MAPRE2: variants seen among roughly 807,000 people sequenced by gnomAD.
MAPRE2 encodes the protein microtubule-associated protein RP/EB family member 2.
A neutral mutation model predicts 43.2 loss-of-function variants in MAPRE2; 13 were observed. The ratio of observed to expected loss-of-function variants is 0.30; its 90% confidence interval spans 0.20 to 0.48. The LOEUF (loss-of-function observed/expected upper bound fraction) is 0.48, where lower values mean the gene tolerates loss of function less well. MAPRE2 is among the 20% of genes least tolerant of loss of function. The pLI is 0.99. For missense variants in MAPRE2, 161 were observed against 400.2 expected (o/e 0.40, Z 5.10); for synonymous variants, 135 against 148.8 (o/e 0.91, Z 0.68).
In MAPRE2 at chr18:35,121,846, A is replaced by G. The variant is rs896087397; in HGVS notation, c.611-5102A>G. The stretch of plus-strand genomic sequence containing the variant: ...ACCAGGATTGGATGCTGTCAGAGAC[A>G]TGTTTGGAGCAGTTTACGAGATTGG... On this transcript the variant is annotated intron_variant, in intron 4 of 6. Transcript: ENST00000300249. Among the ~76,000 whole-genome samples, 17 of 152,366 alleles carry G rather than the reference A, an allele frequency of 1.1e-4. 1 individual carries two copies. Among genetic ancestry groups the G allele is most frequent in the African/African-American group, 3.6e-4 (15 of 41,586 alleles).
At chr18:35,114,253 A>G (rs1035351589) in intron 4 of MAPRE2, among the ~76,000 whole-genome samples, 4 of 152,204 alleles carry the variant, frequency 2.6e-5, no homozygotes, top group African/African-American at 9.7e-5. Flanking sequence ...TTCACAACCA[A>G]ATTCAAATTA....
chr18:35,053,751 C>T (rs1906073250), intron 1 of MAPRE2, among the ~76,000 whole-genome samples: 2 of 151,900 alleles, frequency 1.3e-5, no homozygotes, highest in African/African-American at 2.4e-5. Context: ...CTAATGAACA[C>T]AAAGAAGAGA....
chr18:34,978,507 G>C (rs908558191), intron 1 of MAPRE2: 1 of 1,551,432 alleles, frequency 6.4e-7, no homozygotes, highest in African/African-American at 1.4e-5. Context: ...TGCTGAATAG[G>C]ACACTGTGGA....
chr18:34,985,338 A>AATATTATATATTTT lies in MAPRE2; in HGVS notation c.-70+8263_-70+8264insTATATATTTTATAT, dbSNP rs1568961659. 1.3e-3 allele frequency among the ~76,000 whole-genome samples: 34 copies of AATATTATATATTTT among 27,030 alleles called. 1 individual carries two copies. The highest frequency in any genetic ancestry group is 4.1e-3 in the African/African-American group (33 of 7,960). 17.7% of individuals were successfully genotyped at this position (27,030 alleles called of 152,430 possible). Reference sequence around the variant, plus strand: ...ATATTATATATATAATATAATATATAATATATTATATTATATATATAATAT... The same window carrying AATATTATATATTTT: ...ATATTATATATATAATATAATATATAATATTATATATTTTATATATTATATTATATATATAATAT... On this transcript the variant is annotated intron_variant, in intron 1 of 7. Coordinates refer to the MAPRE2 transcript ENST00000413393.
At chr18:34,998,733 G>A (rs530492450) in intron 1 of MAPRE2, among the ~76,000 whole-genome samples, 1 of 149,392 alleles carries the variant, frequency 6.7e-6, no homozygotes, top group Non-Finnish European at 1.5e-5. Flanking sequence ...AAAGTGCTGG[G>A]ATTACAGGCG....
At chr18:35,111,836 C>T (rs1233512233) in intron 4 of MAPRE2, among the ~76,000 whole-genome samples, 2 of 152,186 alleles carry the variant, frequency 1.3e-5, no homozygotes, top group African/African-American at 4.8e-5. Context: ...TCTATGATGG[C>T]ATTTGACTTA....
Position 35,102,074 on chromosome 18 carries a change from G to T in MAPRE2, c.525G>T (p.Gly175=). Residue 175 remains glycine (G), a synonymous_variant, in exon 4 of 7, where the codon GGG becomes GGT. Coordinates refer to ENST00000300249, the MANE Select transcript of MAPRE2 (RefSeq NM_014268.4). ...KEYDPVEARQ[G]QDAIPPPDPG... is the part of the protein sequence containing the mutation. ...ATGATCCTGTAGAGGCACGACAAGGGCAAGATGCAATTCCTCCTCCTGACC... is the reference window on the plus strand; with the variant it reads ...ATGATCCTGTAGAGGCACGACAAGGTCAAGATGCAATTCCTCCTCCTGACC... The T allele has an allele frequency of 6.2e-7, 1 of 1,613,004 alleles. No homozygotes were observed. Among genetic ancestry groups the T allele is most frequent in the Non-Finnish European group, 8.5e-7 (1 of 1,179,522 alleles).
intron 1 of MAPRE2, among the ~76,000 whole-genome samples, chr18:35,061,824 C>A (rs754745417): frequency 3.0e-4 from 46 of 152,192 alleles, no homozygotes; most frequent in Middle Eastern, 3.2e-3. Context: ...GATCTCCCTC[C>A]TCAAACAAAT....
chr18:35,126,275 C>A (rs1027299435), intron 4 of MAPRE2, among the ~76,000 whole-genome samples: 1 of 152,182 alleles, frequency 6.6e-6, no homozygotes, highest in African/African-American at 2.4e-5. Context: ...TAGTTGAGAG[C>A]CCCTTCAAGC....
At chr18:35,114,361 T>C (rs1909314542) in intron 4 of MAPRE2, among the ~76,000 whole-genome samples, 1 of 152,158 alleles carries the variant, frequency 6.6e-6, no homozygotes, top group South Asian at 2.1e-4. Context: ...TTTTTTATCG[T>C]GATTTTTCAA....
At chr18:34,982,119 G>A (rs2097016746) in intron 1 of MAPRE2, among the ~76,000 whole-genome samples, 1 of 151,894 alleles carries the variant, frequency 6.6e-6, no homozygotes, top group Non-Finnish European at 1.5e-5. Context: ...TCCTGACCTC[G>A]TAATCCGCCC....
chr18:35,109,243 T>C (rs935109903), intron 4 of MAPRE2, among the ~76,000 whole-genome samples: 5 of 152,236 alleles, frequency 3.3e-5, no homozygotes, highest in Admixed American at 2.0e-4. Flanking sequence ...TTGCTTGTTT[T>C]TGTCAGGTTT....
chr18:35,056,960 C>T (rs1006824825), intron 1 of MAPRE2, among the ~76,000 whole-genome samples: 20 of 152,160 alleles, frequency 1.3e-4, no homozygotes, highest in African/African-American at 4.6e-4. Flanking sequence ...TCCCTGCTTC[C>T]ACTGTCCTTC....
intron 4 of MAPRE2, among the ~76,000 whole-genome samples, chr18:35,114,796 T>C (rs149240877): frequency 3.6e-4 from 55 of 152,314 alleles, no homozygotes; most frequent in Non-Finnish European, 6.8e-4. Context: ...CTTATATAGC[T>C]GTTCCTGATA....
intron 4 of MAPRE2, 105 bp from the exon 5 acceptor site, chr18:35,126,843 C>G (rs995347252): frequency 2.2e-6 from 2 of 919,986 alleles, no homozygotes; most frequent in African/African-American, 3.3e-5. Context: ...CTGGAGGTAT[C>G]TCTTATATGT....
At chr18:35,037,457 G>A (rs1409870122), upstream of MAPRE2, among the ~76,000 whole-genome samples, 1 of 152,214 alleles carries the variant, frequency 6.6e-6, no homozygotes, top group East Asian at 1.9e-4. Context: ...TGCATCTGGT[G>A]AAGTCAATCC....
At chr18:34,985,487 ATTGTATAT>A (rs2097019921) in intron 1 of MAPRE2, among the ~76,000 whole-genome samples, 1 of 55,264 alleles carries the variant, frequency 1.8e-5, no homozygotes, top group Non-Finnish European at 3.0e-5. Context: ...TAATATATAT[ATTGTATAT>A]TATATAATAT....
chr18:34,981,867 T>TA (rs1002473259), intron 1 of MAPRE2, among the ~76,000 whole-genome samples: 6 of 44,424 alleles, frequency 1.4e-4, no homozygotes, highest in Admixed American at 2.8e-4. Context: ...TTTATTTATT[T>TA]TTTTTTTTTA....
At chr18:35,019,410 T>C (rs898830695) in intron 2 of MAPRE2, among the ~76,000 whole-genome samples, 8 of 152,018 alleles carry the variant, frequency 5.3e-5, no homozygotes, top group African/African-American at 1.9e-4. Flanking sequence ...GAGTATTCTG[T>C]AGATGTCTAT....
Sources: gnomAD v4.1 joint callset for allele counts (sites outside exome capture counted in the v4.1 genomes callset) on GRCh38, gnomAD v4.1.1 for gene constraint, MANE v1.5 for transcripts, NCBI Gene and HGNC (gene_info 2026-07-23, HGNC 2026-07-21) for gene names.